Variants in CLCA4 observed in about 807,000 individuals in gnomAD.
The protein encoded by CLCA4 is calcium-activated chloride channel regulator 4.
In CLCA4, 69 loss-of-function variants were observed where a neutral mutation model predicts 78.9. That is an observed-to-expected ratio of 0.87 (90% CI 0.72 to 1.07). The LOEUF (loss-of-function observed/expected upper bound fraction) is 1.07, where lower values mean the gene tolerates loss of function less well. CLCA4 is among the 50% of genes least tolerant of loss of function. CLCA4 has a pLI of 0.00. For synonymous variants in CLCA4, 362 were observed against 375.8 expected (o/e 0.96, Z 0.42); for missense variants, 1,133 against 1,095.8 (o/e 1.03, Z -0.48).
At chr1:86,552,199 A>C (rs547112541) in intron 1 of CLCA4, among the ~76,000 whole-genome samples, 1 of 152,358 alleles carries the variant, frequency 6.6e-6, no homozygotes, top group East Asian at 1.9e-4. Context: ...CATAAGGTAT[A>C]AAAAGTTTAA....
intron 6 of CLCA4, among the ~76,000 whole-genome samples, chr1:86,566,485 C>G (rs1260804430): frequency 6.6e-6 from 1 of 151,958 alleles, no homozygotes; most frequent in Non-Finnish European, 1.5e-5. Context: ...GCACAGCAAA[C>G]AAGTGGGTGC....
intron 3 of CLCA4, among the ~76,000 whole-genome samples, chr1:86,562,973 A>G (rs1650070374): frequency 6.6e-6 from 1 of 151,830 alleles, no homozygotes; most frequent in Non-Finnish European, 1.5e-5. Context: ...ACAGAAACAC[A>G]CATTGTAGCA....
intron 13 of CLCA4, 27 bp downstream of exon 13, chr1:86,579,614 G>T: frequency 7.4e-7 from 1 of 1,350,864 alleles, no homozygotes; most frequent in South Asian, 1.2e-5. Flanking sequence ...ATGTGATTTT[G>T]ACTTAAGTAA....
intron 7 of CLCA4, among the ~76,000 whole-genome samples, chr1:86,569,397 G>A (rs1382157929): frequency 6.6e-6 from 1 of 151,896 alleles, no homozygotes; most frequent in Non-Finnish European, 1.5e-5. Context: ...TATGAAATGT[G>A]GTTGGAGAGG....
At chr1:86,574,181 T>C (rs1440061827) in intron 9 of CLCA4, among the ~76,000 whole-genome samples, 2 of 152,082 alleles carry the variant, frequency 1.3e-5, no homozygotes, top group African/African-American at 2.4e-5. Flanking sequence ...TGCCCTCTTG[T>C]TGAATATATT....
rs781215950 is a variant in CLCA4 at position 86,579,387 on chromosome 1, T to C, written c.2156T>C (p.Ile719Thr). The change falls in exon 13 of 14, where the codon ATT becomes ACT. Residue 719 changes from isoleucine to threonine, a missense_variant. Transcript: ENST00000370563. ...GAAGCAAACCCGCCAAGACCTGAAA[T>C]TGATGAGGATACTCAGACCACCTTG... Reference protein sequence around the residue: ...EIEANPPRPEIDEDTQTTLED... With the variant: ...EIEANPPRPETDEDTQTTLED... 1 of 1,613,072 alleles carries C rather than the reference T, an allele frequency of 6.2e-7. No individual in the cohort carries two copies. The highest frequency in any genetic ancestry group is 1.7e-5 in the Admixed American group (1 of 59,880).
chr1:86,559,935 A>T lies in CLCA4; in HGVS notation c.163A>T (p.Met55Leu). ...DEKIIEQIED[M>L]VTTASTYLFE... is the part of the protein sequence containing the mutation. ...ATATTTTTTCCTTTAATGACAGGAT[A>T]TGGTGACTACAGCTTCTACGTACCT... Residue 55 changes from methionine to leucine, a missense_variant, in exon 2 of 14, where the codon ATG (methionine) becomes TTG (leucine). Physicochemically the swap from Met to Leu is conservative, Grantham distance 15 (BLOSUM62 2). Coordinates refer to ENST00000370563, the MANE Select transcript of CLCA4 (RefSeq NM_012128.4). 1 of 1,593,232 alleles carries T rather than the reference A, an allele frequency of 6.3e-7. No individual in the cohort carries two copies. Among genetic ancestry groups the T allele is most frequent in the Non-Finnish European group, 8.5e-7 (1 of 1,173,390 alleles).
At chr1:86,553,396 G>A (rs1031176824) in intron 1 of CLCA4, 3 of 464,374 alleles carry the variant, frequency 6.5e-6, no homozygotes, top group Non-Finnish European at 1.2e-5. Flanking sequence ...CATCCCACAC[G>A]AAGGCCACAG....
intron 3 of CLCA4, among the ~76,000 whole-genome samples, chr1:86,561,285 A>G (rs187399468): frequency 6.6e-6 from 1 of 152,258 alleles, no homozygotes; most frequent in African/African-American, 2.4e-5. Flanking sequence ...TTCACCTGGC[A>G]TGTCCACCAA....
At chr1:86,566,641 A>G (rs772601) in intron 6 of CLCA4, among the ~76,000 whole-genome samples, 121,456 of 151,924 alleles carry the variant, frequency 0.8, 48,943 homozygotes, top group East Asian at 0.94. Context: ...AACAATGCAG[A>G]TAGTGGAGAC....
At position 86,580,070 on chromosome 1, in the gene CLCA4, A is replaced by C; in HGVS notation, c.2485A>C (p.Lys829Gln). The part of the protein sequence containing the change: ...EANSKESFAF[K>Q]PENISEENAT... Reference sequence around the variant, plus strand: ...CAACTCCAAGGAAAGCTTTGCATTTAAACCAGAAAATATCTCAGAAGAAAA... The same window carrying C: ...CAACTCCAAGGAAAGCTTTGCATTTCAACCAGAAAATATCTCAGAAGAAAA... Residue 829 changes from lysine to glutamine, a missense_variant, in exon 14 of 14, where the codon AAA becomes CAA. Lys to Gln is a moderately conservative substitution (Grantham distance 53). Transcript: ENST00000370563. 2 of 1,613,068 alleles carry C rather than the reference A, an allele frequency of 1.2e-6. No individual in the cohort carries two copies. The highest frequency in any genetic ancestry group is 1.7e-6 in the Non-Finnish European group (2 of 1,179,462).
intron 9 of CLCA4, among the ~76,000 whole-genome samples, chr1:86,573,578 G>A (rs183284921): frequency 4.6e-5 from 7 of 151,170 alleles, no homozygotes; most frequent in South Asian, 2.1e-4. Flanking sequence ...ACAATGAAAA[G>A]AACAGAAGTT....
chr1:86,564,070 G>A (rs1290424215), intron 4 of CLCA4, among the ~76,000 whole-genome samples: 1 of 152,068 alleles, frequency 6.6e-6, no homozygotes, highest in East Asian at 1.9e-4. Flanking sequence ...TAAGATCAAA[G>A]TTATTTACAT....
At chr1:86,571,562 A>G (rs1650352282) in intron 8 of CLCA4, among the ~76,000 whole-genome samples, 1 of 152,058 alleles carries the variant, frequency 6.6e-6, no homozygotes. Context: ...AGCATGCAAA[A>G]CTAGCTGAAT....
At chr1:86,552,692 G>C (rs545976184) in intron 1 of CLCA4, 5 of 1,141,138 alleles carry the variant, frequency 4.4e-6, no homozygotes, top group Middle Eastern at 2.0e-4. Flanking sequence ...GCTGGGGCAC[G>C]GGGTGACCGG....
chr1:86,574,606 A>T lies in CLCA4; in HGVS notation c.1534A>T (p.Thr512Ser). Residue 512 changes from threonine to serine, a missense_variant, in exon 10 of 14, where the codon ACA becomes TCA. Coordinates refer to ENST00000370563, the MANE Select transcript of CLCA4 (RefSeq NM_012128.4). ...GAACGACACTGTCATAATTGATAGT[A>T]CAGTGGGAAAGGACACGTTCTTTCT... ...WMNDTVIIDS[T>S]VGKDTFFLIT... 1 of 1,613,280 alleles carries T rather than the reference A, an allele frequency of 6.2e-7. No homozygotes were observed. The highest frequency in any genetic ancestry group is 8.5e-7 in the Non-Finnish European group (1 of 1,179,438).
chr1:86,575,272 T>A, intron 10 of CLCA4, 60 bp from the exon 11 acceptor site: 1 of 1,339,784 alleles, frequency 7.5e-7, no homozygotes, highest in South Asian at 1.3e-5. Context: ...AATTACATAA[T>A]GGAAATATAG....
Position 86,575,379 on chromosome 1 carries a change from A to T in CLCA4, c.1731A>T (p.Thr577=). Residue 577 remains threonine, a synonymous_variant, in exon 11 of 14, where the codon ACA becomes ACT. Transcript: ENST00000370563. The part of the protein sequence containing the change: ...YNLQAKANPE[T]LTITVTSRAA... ...TTCAAGCCAAAGCGAACCCAGAAAC[A>T]TTAACTATTACAGTAACTTCTCGAG... is the stretch of plus-strand genomic sequence containing the variant. 1 of 1,613,394 alleles carries T rather than the reference A, an allele frequency of 6.2e-7. No individual in the cohort carries two copies. Among genetic ancestry groups the T allele is most frequent in the East Asian group, 2.2e-5 (1 of 44,838 alleles).
chr1:86,549,995 T>C (rs1359611038), intron 1 of CLCA4, among the ~76,000 whole-genome samples: 1 of 152,206 alleles, frequency 6.6e-6, no homozygotes, highest in Non-Finnish European at 1.5e-5. Context: ...CTATGTAATA[T>C]AGAGTTTGGT....
Sources: allele counts gnomAD v4.1 joint callset (sites outside exome capture counted in the v4.1 genomes callset), GRCh38; gene constraint gnomAD v4.1.1; transcripts MANE v1.5; gene names NCBI Gene and HGNC (gene_info 2026-07-23, HGNC 2026-07-21).